The following PPP5C variants were observed in gnomAD, a reference collection of about 807,000 sequenced individuals.
PPP5C encodes protein phosphatase 5 catalytic subunit.
Under a neutral mutation model 66.7 loss-of-function variants are expected in PPP5C, and 21 were observed. The observed-to-expected ratio is 0.31, with a 90% CI of 0.22 to 0.45. The LOEUF is 0.45. Among genes scored for constraint, PPP5C ranks in the 20% least tolerant of loss-of-function variants. The pLI is 1.00. For missense variants in PPP5C, 464 were observed against 675.9 expected (o/e 0.69, Z 3.48); for synonymous variants, 246 against 257.4 (o/e 0.96, Z 0.43).
rs1972935871 is a variant in PPP5C, at chr19:46,388,692, G to C, written c.1316G>C (p.Gly439Ala). 5 of 1,614,146 alleles carry C rather than the reference G, an allele frequency of 3.1e-6. No homozygotes were observed. The East Asian group carries it at 1.1e-4, about 36-fold the overall frequency. Residue 439 changes from glycine (G) to alanine (A), a missense_variant, in exon 11 of 13, where the codon GGA becomes GCA. This residue lies in a region of PPP5C where 387 missense variants were observed against 626.0 expected (regional missense o/e 0.62). Coordinates refer to ENST00000012443, the MANE Select transcript of PPP5C (RefSeq NM_006247.4). This position sits in a 1 kb window ranked among gnomAD's most constrained non-coding sequence, Gnocchi z 4.9. ...GCCGAGGGCTACGAGGTGGCTCACGGAGGCCGCTGTGTCACCGTCTTCTCT... is the reference window on the plus strand; with the variant it reads ...GCCGAGGGCTACGAGGTGGCTCACGCAGGCCGCTGTGTCACCGTCTTCTCT... The part of the protein sequence containing the change: ...VKAEGYEVAH[G>A]GRCVTVFSAP...
chr19:46,365,397 C>T lies in PPP5C; in HGVS notation c.364-10207C>T, dbSNP rs908481779. Reference sequence around the variant, plus strand: ...CCTCCCAAAGTGCTGGGATTACAGGCGTGAGCCACACACCCAGCCTCCTAT... The same window carrying T: ...CCTCCCAAAGTGCTGGGATTACAGGTGTGAGCCACACACCCAGCCTCCTAT... On this transcript the variant is annotated intron_variant, in intron 2 of 12. Transcript: ENST00000012443. 1.2e-4 allele frequency among the ~76,000 whole-genome samples: 19 copies of T among 152,230 alleles called. 1 individual carries two copies. The highest frequency in any genetic ancestry group is 4.6e-4 in the African/African-American group (19 of 41,534).
rs770432613 is a variant in PPP5C at position 46,375,662 on chromosome 19, A to G, written c.422A>G (p.Lys141Arg). Reference sequence around the variant, plus strand: ...AAAATGAAATACCAGGAGTGCAACAAGATCGTGAAGCAGAAGGCCTTTGAG... The same window carrying G: ...AAAATGAAATACCAGGAGTGCAACAGGATCGTGAAGCAGAAGGCCTTTGAG... ...DAKMKYQECNKIVKQKAFERA... is the reference protein window; with the variant it reads ...DAKMKYQECNRIVKQKAFERA... The change falls in exon 3 of 13, where the codon AAG becomes AGG. Residue 141 changes from lysine to arginine, a missense_variant. Lys to Arg is a conservative substitution (Grantham distance 26). Around this residue, in one of 2 missense-constraint regions of PPP5C, gnomAD observed 387 missense variants for 626.0 expected, o/e 0.62. Coordinates refer to ENST00000012443, the MANE Select transcript of PPP5C (RefSeq NM_006247.4). The G allele has an allele frequency of 6.2e-7, 1 of 1,614,028 alleles. No individual in the cohort carries two copies. Among genetic ancestry groups the G allele is most frequent in the South Asian group, 1.1e-5 (1 of 91,050 alleles).
In PPP5C at chr19:46,390,844, C is replaced by T; in HGVS notation, c.*498C>T. 1 of 1,130,848 alleles carries T rather than the reference C, an allele frequency of 8.8e-7. No individual in the cohort carries two copies. Among genetic ancestry groups the T allele is most frequent in the South Asian group, 2.0e-5 (1 of 50,074 alleles). The allele number at this position is 1,130,848 out of a possible 1,614,324, so 70.1% of individuals were successfully genotyped here. On this transcript the variant is annotated 3_prime_UTR_variant, in exon 13 of 13. Coordinates refer to ENST00000012443, the MANE Select transcript of PPP5C (RefSeq NM_006247.4). ...AAATATGTTAAAATAAAGTCATTAT[C>T]GGAAGTCAGCTTGTCTCTGGATGGT... is the stretch of plus-strand genomic sequence containing the variant.
chr19:46,387,998 C>T (rs1005827549), intron 9 of PPP5C: 1 of 276,214 alleles, frequency 3.6e-6, no homozygotes, highest in Non-Finnish European at 7.0e-6. Flanking sequence ...GGCGAGTGGG[C>T]AGGGCTGTGC....
chr19:46,356,382 A>C (rs1013095076), intron 2 of PPP5C, among the ~76,000 whole-genome samples: 1 of 152,110 alleles, frequency 6.6e-6, no homozygotes, highest in African/African-American at 2.4e-5. Flanking sequence ...CCAAGACTCT[A>C]CCTCCTGCTT....
At chr19:46,350,013 G>C (rs1246209372) in intron 1 of PPP5C, among the ~76,000 whole-genome samples, 1 of 151,874 alleles carries the variant, frequency 6.6e-6, no homozygotes, top group Non-Finnish European at 1.5e-5. Context: ...AGGGCTTTCT[G>C]GGGTGGGGTG....
At position 46,349,217 on chromosome 19, in the gene PPP5C, C is replaced by T. The variant is rs191718125; in HGVS notation, c.121+2000C>T. ...GCTGAGGCAGGAGAATTGCTTGATC[C>T]TTGGAGGCAGAGGCTGCAGTGAGCC... On this transcript the variant is annotated intron_variant, in intron 1 of 12. Transcript: ENST00000012443. Among the ~76,000 whole-genome samples the T allele has an allele frequency of 3.7e-3, 556 of 152,068 alleles. 4 individuals carry two copies. The highest frequency in any genetic ancestry group is 0.01 in the South Asian group (50 of 4,812).
chr19:46,379,398 A>T (rs949740338), intron 4 of PPP5C, among the ~76,000 whole-genome samples: 1 of 152,164 alleles, frequency 6.6e-6, no homozygotes, highest in Non-Finnish European at 1.5e-5. Flanking sequence ...ATGTTGGTCA[A>T]GTTGGTCTCA....
At position 46,370,549 on chromosome 19, in the gene PPP5C, C is replaced by T. The variant is rs369467450; in HGVS notation, c.364-5055C>T. 7.2e-5 allele frequency among the ~76,000 whole-genome samples: 11 copies of T among 152,254 alleles called. No individual in the cohort carries two copies. In the East Asian group the frequency reaches 1.5e-3, roughly 21 times the overall value. Reference sequence around the variant, plus strand: ...GGTGTGGTTCTTTTCAGAAAAATGTCCATGGTGGTTCGCTTGGCTTCTTTT... The same window carrying T: ...GGTGTGGTTCTTTTCAGAAAAATGTTCATGGTGGTTCGCTTGGCTTCTTTT... On this transcript the variant is annotated intron_variant, in intron 2 of 12. Coordinates refer to ENST00000012443, the MANE Select transcript of PPP5C (RefSeq NM_006247.4).
chr19:46,353,406 GCT>G (rs1372250421), intron 1 of PPP5C, among the ~76,000 whole-genome samples: 1 of 151,916 alleles, frequency 6.6e-6, no homozygotes, highest in African/African-American at 2.4e-5. Context: ...AGCTGCCTCA[GCT>G]CTCACTGGCC....
In PPP5C at chr19:46,353,768, A is replaced by G; in HGVS notation, c.142A>G (p.Ile48Val). ...YFKAKDYENA[I>V]KFYSQAIELN... ...CGCAGCCAAGGACTACGAGAACGCCATCAAGTTCTACAGCCAGGCCATCGA... is the reference window on the plus strand; with the variant it reads ...CGCAGCCAAGGACTACGAGAACGCCGTCAAGTTCTACAGCCAGGCCATCGA... Residue 48 changes from isoleucine to valine, a missense_variant, in exon 2 of 13, where the codon ATC (isoleucine) becomes GTC (valine). Physicochemically the swap from Ile to Val is conservative, Grantham distance 29. Around this residue, in one of 2 missense-constraint regions of PPP5C, gnomAD observed 387 missense variants for 626.0 expected, o/e 0.62. Coordinates refer to ENST00000012443, the MANE Select transcript of PPP5C (RefSeq NM_006247.4). 6.2e-7 allele frequency: 1 copy of G among 1,614,134 alleles called. No homozygotes were observed. Among genetic ancestry groups the G allele is most frequent in the Non-Finnish European group, 8.5e-7 (1 of 1,180,014 alleles).
chr19:46,386,804 G>T, intron 7 of PPP5C: 1 of 483,642 alleles, frequency 2.1e-6, no homozygotes, highest in South Asian at 2.3e-5. Flanking sequence ...TTATAGAGAG[G>T]TCTCAGTATA....
intron 2 of PPP5C, among the ~76,000 whole-genome samples, chr19:46,362,905 A>G (rs999070151): frequency 6.6e-6 from 1 of 150,446 alleles, no homozygotes; most frequent in Non-Finnish European, 1.5e-5. Context: ...CCCCTGCCTC[A>G]GCCTCCCGAG....
rs1002146627 is a variant in PPP5C at position 46,387,863 on chromosome 19, C to G, written c.1135+410C>G. 4.9e-6 allele frequency: 3 copies of G among 613,728 alleles called. No individual in the cohort carries two copies. In the Admixed American group the frequency reaches 1.2e-4, roughly 24 times the overall value. The allele number at this position is 613,728 out of a possible 1,614,324, so 38.0% of individuals were successfully genotyped here. A position where few individuals can be genotyped will look rare whatever the true frequency, so the allele number is the denominator to read the frequency against. On this transcript the variant is annotated intron_variant, in intron 9 of 12. Coordinates refer to ENST00000012443, the MANE Select transcript of PPP5C (RefSeq NM_006247.4). Reference sequence around the variant, plus strand: ...ATTGGGTGGGCTGGTGCTGGGTGCTCAGGAAGGCCTCTCCAGGGAGGCGAG... The same window carrying G: ...ATTGGGTGGGCTGGTGCTGGGTGCTGAGGAAGGCCTCTCCAGGGAGGCGAG...
Position 46,383,007 on chromosome 19 carries a change from C to G in PPP5C, c.634-404C>G. On this transcript the variant is annotated intron_variant, in intron 4 of 12. Coordinates refer to ENST00000012443, the MANE Select transcript of PPP5C (RefSeq NM_006247.4). The surrounding 1 kb of genome is among the most constrained non-coding windows in gnomAD (Gnocchi z 5.0). ...AAGCACCAGTGTTGCCTATGACCTG[C>G]CTTTTTACCTCTTTTTACCTAGAAA... is the stretch of plus-strand genomic sequence containing the variant. 1 of 1,084,880 alleles carries G rather than the reference C, an allele frequency of 9.2e-7. No homozygotes were observed. Among genetic ancestry groups the G allele is most frequent in the South Asian group, 1.8e-5 (1 of 54,584 alleles). 67.2% of individuals were successfully genotyped at this position (1,084,880 alleles called of 1,614,324 possible).
At chr19:46,350,375 C>T (rs1368479094) in intron 1 of PPP5C, among the ~76,000 whole-genome samples, 1 of 152,132 alleles carries the variant, frequency 6.6e-6, no homozygotes, top group Non-Finnish European at 1.5e-5. Flanking sequence ...GAGCAGCCTG[C>T]ATGGGGGTTG....
intron 2 of PPP5C, among the ~76,000 whole-genome samples, chr19:46,369,927 A>AG (rs1972558790): frequency 7.2e-6 from 1 of 139,338 alleles, no homozygotes; most frequent in Admixed American, 7.0e-5. Flanking sequence ...CTCCGTCTGG[A>AG]AAAAAAAAAA....
rs1189118886 is a variant in PPP5C, at chr19:46,375,802, G to A, written c.511+51G>A. ...CTCCAGCCCAGAACATTCCACACGGGCCTTCTCCATTCCCTGGGGGTGGGG... is the reference window on the plus strand; with the variant it reads ...CTCCAGCCCAGAACATTCCACACGGACCTTCTCCATTCCCTGGGGGTGGGG... On this transcript the variant is annotated intron_variant, in intron 3 of 12. Coordinates refer to ENST00000012443, the MANE Select transcript of PPP5C (RefSeq NM_006247.4). 12 of 1,528,180 alleles carry A rather than the reference G, an allele frequency of 7.9e-6. No homozygotes were observed. The East Asian group carries it at 1.2e-4, about 16-fold the overall frequency. 94.7% of individuals were successfully genotyped at this position (1,528,180 alleles called of 1,614,324 possible). A position where few individuals can be genotyped will look rare whatever the true frequency, so the allele number is the denominator to read the frequency against.
At chr19:46,382,773 A>T (rs1304535490) in intron 4 of PPP5C, 1 of 987,448 alleles carries the variant, frequency 1.0e-6, no homozygotes, top group Non-Finnish European at 1.2e-6. Context: ...TTCATCATTG[A>T]TGTGATAATA....
Sources: gnomAD v4.1 joint callset for allele counts (sites outside exome capture counted in the v4.1 genomes callset) on GRCh38, gnomAD v4.1.1 for gene constraint, gnomAD v4.1.1 regional missense constraint, Gnocchi (gnomAD v3.1) non-coding constraint, MANE v1.5 for transcripts, NCBI Gene and HGNC (gene_info 2026-07-23, HGNC 2026-07-21) for gene names.